The following NTN4 variants were observed in gnomAD, a reference collection of about 807,000 sequenced individuals.
The protein encoded by NTN4 is netrin-4.
In NTN4, 32 loss-of-function variants were observed where a neutral mutation model predicts 73.6. The observed-to-expected ratio is 0.44, with a 90% confidence interval of 0.33 to 0.58. NTN4 has a LOEUF of 0.58. Among genes scored for constraint, NTN4 ranks in the 20% least tolerant of loss-of-function variants. NTN4 has a pLI of 0.04. For synonymous variants in NTN4, 258 were observed against 287.5 expected (o/e 0.90, Z 1.04); for missense variants, 654 against 798.3 (o/e 0.82, Z 2.18).
chr12:95,664,009 C>A (rs1024714049), intron 9 of NTN4, among the ~76,000 whole-genome samples: 1 of 152,038 alleles, frequency 6.6e-6, no homozygotes, highest in Non-Finnish European at 1.5e-5. Context: ...ATTCAAAGCT[C>A]AGGATTCTTA....
chr12:95,751,917 A>G (rs560316244), intron 2 of NTN4, among the ~76,000 whole-genome samples: 1 of 140,296 alleles, frequency 7.1e-6, no homozygotes, highest in Non-Finnish European at 1.5e-5. Flanking sequence ...AGTTATCCCC[A>G]CCTGCCCAGT....
intron 5 of NTN4, among the ~76,000 whole-genome samples, chr12:95,685,813 T>A (rs943201616): frequency 7.2e-5 from 11 of 152,222 alleles, no homozygotes; most frequent in African/African-American, 2.7e-4. Context: ...AGAGATTATG[T>A]GTGCAAAGCA....
At position 95,706,358 on chromosome 12, in the gene NTN4, C is replaced by T. The variant is rs534030274; in HGVS notation, c.1180+4083G>A. ...CTCCAACTTTGCCAGTAAGTGTTTT[C>T]TTTTTTCTCTTTTTAATTGGTCAGA... On this transcript the variant is annotated intron_variant, in intron 5 of 9. Coordinates refer to ENST00000343702, the MANE Select transcript of NTN4 (RefSeq NM_021229.4). 1.2e-3 allele frequency among the ~76,000 whole-genome samples: 177 copies of T among 152,226 alleles called. 1 individual carries two copies. Among genetic ancestry groups the T allele is most frequent in the African/African-American group, 4.1e-3 (170 of 41,544 alleles).
chr12:95,689,627 C>G (rs1347391006), intron 5 of NTN4, among the ~76,000 whole-genome samples: 1 of 152,176 alleles, frequency 6.6e-6, no homozygotes, highest in Non-Finnish European at 1.5e-5. Context: ...TTTTGACATA[C>G]AATGATATTC....
intron 2 of NTN4, among the ~76,000 whole-genome samples, chr12:95,774,459 A>C (rs1011444502): frequency 1.1e-4 from 16 of 152,338 alleles, no homozygotes; most frequent in Middle Eastern, 6.8e-3. Context: ...AGCCATCATG[A>C]CTTGTAACTA....
At position 95,674,298 on chromosome 12, in the gene NTN4, A is replaced by C. The variant is rs555419631; in HGVS notation, c.1511-4152T>G. On this transcript the variant is annotated intron_variant, in intron 7 of 9. Transcript: ENST00000343702. The stretch of plus-strand genomic sequence containing the variant: ...CTCCAAATGGCATATACTGTTCCTC[A>C]ACACAATGCTTTTCTCTTTAACCCT... Among the ~76,000 whole-genome samples the C allele has an allele frequency of 4.6e-5, 7 of 152,346 alleles. No individual in the cohort carries two copies. The East Asian group carries it at 1.4e-3, about 29-fold the overall frequency.
chr12:95,789,100 C>G lies in NTN4; in HGVS notation c.55+1155G>C, dbSNP rs901927663. Among the ~76,000 whole-genome samples the G allele has an allele frequency of 6.6e-6, 1 of 152,152 alleles. No homozygotes were observed. The highest frequency in any genetic ancestry group is 6.5e-5 in the Admixed American group (1 of 15,282). ...TTTAAATGCCCCTAAACTCCTAAGT[C>G]CAGAAAAGATTTGAGCCAGATAAAG... On this transcript the variant is annotated intron_variant, in intron 1 of 9. Coordinates refer to ENST00000343702, the MANE Select transcript of NTN4 (RefSeq NM_021229.4). This position sits in a 1 kb window ranked among gnomAD's most constrained non-coding sequence, Gnocchi z 4.0.
chr12:95,673,782 G>C (rs907676785), intron 7 of NTN4: 2 of 152,178 alleles, frequency 1.3e-5, no homozygotes, highest in Non-Finnish European at 1.5e-5. Flanking sequence ...AGAGGAGTAG[G>C]AGTGCTTCCT....
intron 5 of NTN4, among the ~76,000 whole-genome samples, chr12:95,709,166 A>G (rs2078543782): frequency 6.6e-6 from 1 of 152,270 alleles, no homozygotes; most frequent in Admixed American, 6.5e-5. Flanking sequence ...TCCTTTAAAA[A>G]ACTCGCAAAT....
rs540420309 is a variant in NTN4, at chr12:95,680,925, C to T, written c.1510+1782G>A. 7.2e-5 allele frequency among the ~76,000 whole-genome samples: 11 copies of T among 152,120 alleles called. No homozygotes were observed. In the East Asian group the frequency reaches 1.9e-3, roughly 27 times the overall value. ...TATATAACGGCCGGGCGCGGTGGCT[C>T]ACGCCTGTAATCCCAGCACTATGGG... On this transcript the variant is annotated intron_variant, in intron 7 of 9. Coordinates refer to ENST00000343702, the MANE Select transcript of NTN4 (RefSeq NM_021229.4).
intron 9 of NTN4, among the ~76,000 whole-genome samples, chr12:95,660,620 G>C (rs1394539251): frequency 6.6e-6 from 1 of 152,048 alleles, no homozygotes; most frequent in African/African-American, 2.4e-5. Flanking sequence ...ATTGCCCTTA[G>C]TTAATGTTTG....
At chr12:95,790,860 C>G (rs2095079111), upstream of NTN4, 1 of 150,276 alleles carries the variant, frequency 6.7e-6, no homozygotes, top group Admixed American at 6.6e-5. The surrounding 1 kb of genome is among the most constrained non-coding windows in gnomAD (Gnocchi z 6.5). Flanking sequence ...TTCCTCCCGC[C>G]CGCCCCCCGC....
chr12:95,730,539 G>C (rs1314414012), intron 3 of NTN4, among the ~76,000 whole-genome samples: 1 of 152,092 alleles, frequency 6.6e-6, no homozygotes, highest in Non-Finnish European at 1.5e-5. Context: ...GTAATCCTGG[G>C]CAATTTTTTC....
intron 9 of NTN4, 200 bp downstream of exon 9, chr12:95,665,610 C>A: frequency 2.3e-6 from 1 of 432,894 alleles, no homozygotes; most frequent in Non-Finnish European, 4.1e-6. Context: ...AAATATTAAA[C>A]TTTTATAGAG....
chr12:95,788,839 C>T (rs577872096), intron 1 of NTN4, among the ~76,000 whole-genome samples: 1 of 152,342 alleles, frequency 6.6e-6, no homozygotes, highest in Admixed American at 6.5e-5. Flanking sequence ...ACACAATGTG[C>T]TATGACTCAC....
At chr12:95,734,403 G>C (rs1431484703) in intron 3 of NTN4, among the ~76,000 whole-genome samples, 1 of 152,190 alleles carries the variant, frequency 6.6e-6, no homozygotes, top group Non-Finnish European at 1.5e-5. Context: ...TCTGGGGTAA[G>C]GTTTGAGAAT....
intron 2 of NTN4, chr12:95,739,945 C>T: frequency 6.6e-6 from 1 of 152,390 alleles, no homozygotes; most frequent in Non-Finnish European, 1.5e-5. Context: ...CTGTCAAGGT[C>T]TGTAGGAACT....
At chr12:95,768,271 A>G (rs1052841841) in intron 2 of NTN4, among the ~76,000 whole-genome samples, 2 of 152,188 alleles carry the variant, frequency 1.3e-5, no homozygotes, top group Admixed American at 1.3e-4. Context: ...GTACGTGTAC[A>G]CTGCACCTAA....
At chr12:95,726,106 CTGAGA>C (rs563107780) in intron 3 of NTN4, among the ~76,000 whole-genome samples, 177 of 151,600 alleles carry the variant, frequency 1.2e-3, no homozygotes, top group Non-Finnish European at 1.2e-3. Context: ...TTTTTTCTAA[CTGAGA>C]TAACATTCAC....
Sources: allele counts gnomAD v4.1 joint callset (sites outside exome capture counted in the v4.1 genomes callset), GRCh38; gene constraint gnomAD v4.1.1; non-coding constraint Gnocchi (gnomAD v3.1); transcripts MANE v1.5; gene names NCBI Gene and HGNC (gene_info 2026-07-23, HGNC 2026-07-21).